SLC44A5: variants seen among roughly 807,000 people sequenced by gnomAD.
SLC44A5 encodes choline transporter-like protein 5.
In SLC44A5, 57 loss-of-function variants were observed where a neutral mutation model predicts 101.8. The ratio of observed to expected loss-of-function variants is 0.56; its 90% CI spans 0.45 to 0.70. The LOEUF is 0.70. Among genes scored for constraint, SLC44A5 ranks in the 30% least tolerant of loss-of-function variants. SLC44A5 has a pLI of 0.00. For synonymous variants in SLC44A5, 281 were observed against 290.9 expected, an observed-to-expected ratio of 0.97 and a Z score of 0.35; for missense variants, 737 against 853.1, an observed-to-expected ratio of 0.86 and a Z score of 1.70.
the SLC44A5 span, among the ~76,000 whole-genome samples, chr1:75,702,703 A>G: frequency 1.3e-5 from 2 of 152,192 alleles, no homozygotes; most frequent in African/African-American, 4.8e-5. Context: ...AAAAGAAACT[A>G]CCATCAGACT....
intron 2 of SLC44A5, among the ~76,000 whole-genome samples, chr1:75,464,928 A>G (rs1042525776): frequency 8.3e-5 from 12 of 144,772 alleles, no homozygotes; most frequent in Non-Finnish European, 1.7e-4. Context: ...AGTACAATAT[A>G]CAATAATAGC....
intron 23 of SLC44A5, among the ~76,000 whole-genome samples, chr1:75,209,248 A>G (rs1646806895): frequency 6.6e-6 from 1 of 152,208 alleles, no homozygotes; most frequent in South Asian, 2.1e-4. Context: ...AAATCCACAT[A>G]TTAGCCAAAA....
intron 1 of SLC44A5, among the ~76,000 whole-genome samples, chr1:75,606,793 TGTTGA>T (rs1177648883): frequency 1.3e-5 from 2 of 152,034 alleles, no homozygotes; most frequent in African/African-American, 4.8e-5. Context: ...CGTTTGACAC[TGTTGA>T]TTATCATTTT....
chr1:75,393,057 A>G (rs575654431), intron 3 of SLC44A5, among the ~76,000 whole-genome samples: 77 of 152,290 alleles, frequency 5.1e-4, no homozygotes, highest in Middle Eastern at 6.8e-3. Flanking sequence ...TACTCTGCTC[A>G]CTATTTGGGT....
intron 2 of SLC44A5, among the ~76,000 whole-genome samples, chr1:75,518,063 CATAT>C (rs757565515): frequency 3.3e-5 from 5 of 152,196 alleles, no homozygotes; most frequent in Non-Finnish European, 7.3e-5. Flanking sequence ...CTTAAAGCTA[CATAT>C]ATATTCGAAG....
At chr1:75,633,172 C>A in the SLC44A5 span, among the ~76,000 whole-genome samples, 2 of 152,074 alleles carry the variant, frequency 1.3e-5, no homozygotes, top group Non-Finnish European at 2.9e-5. Context: ...GCTCTTTGTT[C>A]TTTTGGCTTA....
At chr1:75,546,191 A>ATTT (rs1168373081) in intron 1 of SLC44A5, among the ~76,000 whole-genome samples, 1 of 10,222 alleles carries the variant, frequency 9.8e-5, no homozygotes, top group Non-Finnish European at 1.7e-4. Flanking sequence ...CAAATTCAAA[A>ATTT]TTTTTTTTTT....
At chr1:75,427,408 G>A (rs565007089) in intron 2 of SLC44A5, among the ~76,000 whole-genome samples, 1 of 152,270 alleles carries the variant, frequency 6.6e-6, no homozygotes, top group Non-Finnish European at 1.5e-5. Context: ...TACCAAAATA[G>A]AAAAATGCCT....
At chr1:75,315,089 C>G (rs1655591247) in intron 4 of SLC44A5, among the ~76,000 whole-genome samples, 2 of 152,112 alleles carry the variant, frequency 1.3e-5, no homozygotes, top group Admixed American at 1.3e-4. Context: ...CTATCCACAA[C>G]AGAGCTGCAG....
chr1:75,685,753 C>T, the SLC44A5 span, among the ~76,000 whole-genome samples: 2 of 152,206 alleles, frequency 1.3e-5, no homozygotes, highest in African/African-American at 4.8e-5. Context: ...GTCTGTTACC[C>T]AGTTCCAAAG....
At chr1:75,474,847 C>G (rs1007119202) in intron 2 of SLC44A5, among the ~76,000 whole-genome samples, 6 of 152,162 alleles carry the variant, frequency 3.9e-5, no homozygotes, top group African/African-American at 1.4e-4. Context: ...CTGCTCTTTT[C>G]ATATAATTTG....
At chr1:75,526,447 G>A (rs1570527379) in intron 2 of SLC44A5, among the ~76,000 whole-genome samples, 1 of 152,208 alleles carries the variant, frequency 6.6e-6, no homozygotes, top group Non-Finnish European at 1.5e-5. Context: ...TATGAGCTAT[G>A]CAGCCACTTC....
At chr1:75,665,237 T>C in the SLC44A5 span, among the ~76,000 whole-genome samples, 1 of 152,224 alleles carries the variant, frequency 6.6e-6, no homozygotes, top group African/African-American at 2.4e-5. Flanking sequence ...AAATAGCACG[T>C]TACTGGTACA....
intron 13 of SLC44A5, among the ~76,000 whole-genome samples, chr1:75,224,630 C>G (rs1647158964): frequency 6.6e-6 from 1 of 151,850 alleles, no homozygotes; most frequent in South Asian, 2.1e-4. Context: ...GAGATAGGGT[C>G]TCATTCTGTT....
the SLC44A5 span, among the ~76,000 whole-genome samples, chr1:75,691,999 T>C: frequency 6.6e-6 from 1 of 152,170 alleles, no homozygotes. Flanking sequence ...TGTCTCATTA[T>C]ACTTTACTTA....
At position 75,285,979 on chromosome 1, in the gene SLC44A5, T is replaced by G. The variant is rs542900032; in HGVS notation, c.176-10937A>C. 3.3e-5 allele frequency among the ~76,000 whole-genome samples: 5 copies of G among 152,226 alleles called. No homozygotes were observed. The East Asian group carries it at 7.7e-4, about 23-fold the overall frequency. On this transcript the variant is annotated intron_variant, in intron 5 of 23. Transcript: ENST00000370859. ...GGTAGAATTTTCTGTAAATATCTGTTGAGTCCATTTGTTCTAGGATATAGT... is the reference window on the plus strand; with the variant it reads ...GGTAGAATTTTCTGTAAATATCTGTGGAGTCCATTTGTTCTAGGATATAGT...
intron 2 of SLC44A5, among the ~76,000 whole-genome samples, chr1:75,487,082 A>C (rs746267700): frequency 5.3e-5 from 8 of 152,240 alleles, no homozygotes; most frequent in African/African-American, 1.9e-4. Flanking sequence ...TGACACCAGG[A>C]TCATTCATTC....
At chr1:75,680,285 C>G in the SLC44A5 span, among the ~76,000 whole-genome samples, 1 of 151,644 alleles carries the variant, frequency 6.6e-6, no homozygotes, top group Non-Finnish European at 1.5e-5. Flanking sequence ...ACAGAACTCT[C>G]CACCCCAAAT....
At chr1:75,696,857 C>G in the SLC44A5 span, among the ~76,000 whole-genome samples, 2 of 151,542 alleles carry the variant, frequency 1.3e-5, no homozygotes, top group African/African-American at 4.9e-5. Flanking sequence ...GAGCCGAGAT[C>G]CAGACTGGGC....
Sources: allele counts gnomAD v4.1 joint callset (sites outside exome capture counted in the v4.1 genomes callset), GRCh38; gene constraint gnomAD v4.1.1; transcripts MANE v1.5; gene names NCBI Gene and HGNC (gene_info 2026-07-23, HGNC 2026-07-21).